ADAM19: variants seen among roughly 807,000 people sequenced by gnomAD.
The protein encoded by ADAM19 is disintegrin and metalloproteinase domain-containing protein 19.
A neutral mutation model predicts 114.7 loss-of-function variants in ADAM19; 65 were observed. That is an observed-to-expected ratio of 0.57 (90% CI 0.46 to 0.70). The LOEUF (loss-of-function observed/expected upper bound fraction) is 0.70, where lower values mean the gene tolerates loss of function less well. ADAM19 is among the 30% of genes least tolerant of loss of function. The probability of loss-of-function intolerance (pLI) is 0.00; values close to 1 mark genes in which losing one functional copy is unlikely to be tolerated. For synonymous variants in ADAM19, 466 were observed against 460.5 expected (o/e 1.01, Z -0.15); for missense variants, 1,063 against 1,204.7 (o/e 0.88, Z 1.74).
chr5:157,540,180 T>A (rs1440678219), intron 3 of ADAM19, among the ~76,000 whole-genome samples: 1 of 152,240 alleles, frequency 6.6e-6, no homozygotes, highest in Non-Finnish European at 1.5e-5. Flanking sequence ...TCATTATTGC[T>A]TTCAACAGGG....
chr5:157,489,857 T>G (rs1197067212), intron 19 of ADAM19, among the ~76,000 whole-genome samples: 1 of 152,120 alleles, frequency 6.6e-6, no homozygotes, highest in African/African-American at 2.4e-5. Context: ...TATGGTGGCA[T>G]GCACCTGTAG....
intron 16 of ADAM19, among the ~76,000 whole-genome samples, chr5:157,492,185 G>A (rs754903753): frequency 2.6e-5 from 4 of 152,132 alleles, no homozygotes; most frequent in Non-Finnish European, 4.4e-5. Flanking sequence ...CCAGCTACTC[G>A]GGAAGCTGAG....
Position 157,513,471 on chromosome 5 carries a change from T to C in ADAM19, c.701A>G (p.Lys234Arg), listed in dbSNP as rs1238454002. 1.2e-5 allele frequency: 19 copies of C among 1,613,958 alleles called. No individual in the cohort carries two copies. The highest frequency in any genetic ancestry group is 4.2e-6 in the Non-Finnish European group (5 of 1,179,968). Residue 234 changes from lysine to arginine, a missense_variant, in exon 8 of 23, where the codon AAA (lysine) becomes AGA (arginine). By Grantham distance (26) the Lys-to-Arg change is conservative (BLOSUM62 2). Coordinates refer to ENST00000257527, the MANE Select transcript of ADAM19 (RefSeq NM_033274.5). Reference sequence around the variant, plus strand: ...GTTGGCGATCTCTATGAGCTTGTGTTTGGTGGCGTCCTGGTCTCGTCGATT... The same window carrying C: ...GTTGGCGATCTCTATGAGCTTGTGTCTGGTGGCGTCCTGGTCTCGTCGATT... Reference protein sequence around the residue: ...QKNRRDQDATKHKLIEIANYV... With the variant: ...QKNRRDQDATRHKLIEIANYV...
At chr5:157,557,253 G>T (rs936220044) in intron 3 of ADAM19, among the ~76,000 whole-genome samples, 3 of 152,166 alleles carry the variant, frequency 2.0e-5, no homozygotes, top group Admixed American at 2.0e-4. Context: ...AACTTAGAAG[G>T]CAAGTGACTT....
intron 8 of ADAM19, among the ~76,000 whole-genome samples, chr5:157,511,252 A>T (rs745610313): frequency 1.4e-4 from 21 of 152,264 alleles, no homozygotes; most frequent in Middle Eastern, 3.4e-3. Context: ...CTTTATCCAA[A>T]ATTGGTAGGT....
At chr5:157,498,570 C>T (rs1755439493) in intron 13 of ADAM19, among the ~76,000 whole-genome samples, 1 of 152,116 alleles carries the variant, frequency 6.6e-6, no homozygotes, top group African/African-American at 2.4e-5. Context: ...GCCCACAGTT[C>T]CTGCCTAAAA....
chr5:157,490,694 C>T (rs187101366), intron 18 of ADAM19, among the ~76,000 whole-genome samples: 1 of 152,072 alleles, frequency 6.6e-6, no homozygotes, highest in Non-Finnish European at 1.5e-5. Flanking sequence ...GAGATCAAGA[C>T]CATCCTGACC....
At chr5:157,494,602 A>T in intron 15 of ADAM19, 85 bp downstream of exon 15, 1 of 1,114,770 alleles carries the variant, frequency 9.0e-7, no homozygotes, top group Non-Finnish European at 1.3e-6. Flanking sequence ...GGGGCCAGTC[A>T]CACTGCTGAG....
intron 21 of ADAM19, among the ~76,000 whole-genome samples, chr5:157,487,964 A>G (rs993041211): frequency 6.6e-6 from 1 of 152,156 alleles, no homozygotes. Flanking sequence ...ACAAAGACCT[A>G]GCAGGCAGAC....
chr5:157,558,613 G>C (rs1054418191), intron 3 of ADAM19, among the ~76,000 whole-genome samples: 1 of 152,204 alleles, frequency 6.6e-6, no homozygotes, highest in Non-Finnish European at 1.5e-5. Flanking sequence ...ACAAGAGAGG[G>C]TCAAAGAGAG....
chr5:157,507,991 G>C (rs1204777228), intron 9 of ADAM19, among the ~76,000 whole-genome samples: 1 of 152,206 alleles, frequency 6.6e-6, no homozygotes, highest in Non-Finnish European at 1.5e-5. Context: ...ACTATTTTGG[G>C]ATCGTAGAAC....
chr5:157,540,269 G>A (rs1756881984), intron 3 of ADAM19, among the ~76,000 whole-genome samples: 1 of 152,224 alleles, frequency 6.6e-6, no homozygotes, highest in Non-Finnish European at 1.5e-5. Flanking sequence ...ACTTAAGAGA[G>A]GTGGTAAAAC....
At chr5:157,548,965 C>A (rs1757119459) in intron 3 of ADAM19, among the ~76,000 whole-genome samples, 1 of 152,190 alleles carries the variant, frequency 6.6e-6, no homozygotes, top group African/African-American at 2.4e-5. Context: ...CGCCCACCAG[C>A]CTTGCATCTC....
chr5:157,507,808 G>C (rs1356546758), intron 9 of ADAM19, among the ~76,000 whole-genome samples: 2 of 151,922 alleles, frequency 1.3e-5, no homozygotes, highest in Non-Finnish European at 2.9e-5. Flanking sequence ...CCCTCTTTCA[G>C]TTATATACAT....
At chr5:157,524,339 C>T (rs1378546395) in intron 5 of ADAM19, among the ~76,000 whole-genome samples, 1 of 152,262 alleles carries the variant, frequency 6.6e-6, no homozygotes, top group African/African-American at 2.4e-5. Flanking sequence ...TTCTGTTCTC[C>T]ATCCTATTGC....
In ADAM19 at chr5:157,488,340, T is replaced by G; in HGVS notation, c.2475A>C (p.Ile825=). ...GCCTCCTGGACGACTCCGTCCTCTC[T>G]ATTTGAGACCCGGGCCCTGGGGAGT... ...ARNSPGPGSQ[I]ERTESSRRPP... The change falls in exon 21 of 23, where the codon ATA becomes ATC. Residue 825 remains isoleucine, a synonymous_variant. Coordinates refer to ENST00000257527, the MANE Select transcript of ADAM19 (RefSeq NM_033274.5). 1 of 1,614,136 alleles carries G rather than the reference T, an allele frequency of 6.2e-7. No homozygotes were observed. The highest frequency in any genetic ancestry group is 8.5e-7 in the Non-Finnish European group (1 of 1,179,998).
rs898495550 is a variant in ADAM19, at chr5:157,479,389, A to C, written c.*1560T>G. 1.0e-6 allele frequency: 1 copy of C among 986,004 alleles called. No individual in the cohort carries two copies. The highest frequency in any genetic ancestry group is 1.7e-5 in the African/African-American group (1 of 57,248). 61.1% of individuals were successfully genotyped at this position (986,004 alleles called of 1,614,324 possible). A position where few individuals can be genotyped will look rare whatever the true frequency, so the allele number is the denominator to read the frequency against. ...GGTTTTCAAGAGCAAACAATTGCTC[A>C]TGGCAGGATGGGAGGAGGCCCCAGG... On this transcript the variant is annotated 3_prime_UTR_variant, in exon 23 of 23. Transcript: ENST00000257527.
rs374098475 is a variant in ADAM19 at position 157,526,321 on chromosome 5, T to C, written c.407+4486A>G. Among the ~76,000 whole-genome samples the C allele has an allele frequency of 7.2e-5, 11 of 152,296 alleles. 1 individual carries two copies. Among genetic ancestry groups the C allele is most frequent in the Admixed American group, 6.5e-4 (10 of 15,292 alleles). The stretch of plus-strand genomic sequence containing the variant: ...GACAAGATAAACAACTTTCACTTTT[T>C]AAAGCTTACACATTCCTGCATGATT... On this transcript the variant is annotated intron_variant, in intron 5 of 22. Transcript: ENST00000257527.
intron 9 of ADAM19, 117 bp downstream of exon 9, chr5:157,509,184 G>A (rs1755835918): frequency 3.0e-6 from 3 of 1,016,806 alleles, no homozygotes; most frequent in African/African-American, 3.3e-5. Flanking sequence ...CTGGACCAGG[G>A]AGTCAGAATG....
Sources: allele counts gnomAD v4.1 joint callset (sites outside exome capture counted in the v4.1 genomes callset), GRCh38; gene constraint gnomAD v4.1.1; transcripts MANE v1.5; gene names NCBI Gene and HGNC (gene_info 2026-07-23, HGNC 2026-07-21).